The following FHIT variants were observed in gnomAD, a reference collection of about 807,000 sequenced individuals.
FHIT encodes bis(5'-adenosyl)-triphosphatase.
FHIT carries 19 observed loss-of-function variants against 17.9 expected under a neutral mutation model. That is an observed-to-expected ratio of 1.06 (90% CI 0.74 to 1.56). FHIT has a LOEUF of 1.56. Ranked by LOEUF, FHIT falls within the 40% of genes most tolerant of loss-of-function variation. The pLI is 0.00. For synonymous variants in FHIT, 81 were observed against 69.7 expected (o/e 1.16, Z -0.81); for missense variants, 248 against 189.2 (o/e 1.31, Z -1.82).
At chr3:60,172,440 T>C (rs985683293) in intron 5 of FHIT, among the ~76,000 whole-genome samples, 1 of 121,150 alleles carries the variant, frequency 8.3e-6, no homozygotes, top group African/African-American at 4.3e-5. Context: ...TAATTTTGTA[T>C]TTTTTTTTTT....
intron 5 of FHIT, among the ~76,000 whole-genome samples, chr3:60,307,208 C>A (rs995886403): frequency 6.6e-6 from 1 of 152,150 alleles, no homozygotes; most frequent in Non-Finnish European, 1.5e-5. Context: ...AGTAAAACAT[C>A]TCCTCAAAAA....
chr3:60,553,653 A>G (rs922563662), intron 4 of FHIT, among the ~76,000 whole-genome samples: 6 of 151,718 alleles, frequency 4.0e-5, no homozygotes, highest in African/African-American at 1.5e-4. Flanking sequence ...TGAGTATTAA[A>G]CATGGTATCA....
In FHIT at chr3:60,340,415, C is replaced by T. The variant is rs867147283; in HGVS notation, c.103+196445G>A. The stretch of plus-strand genomic sequence containing the variant: ...CCTCTGATCACTGTTCTTGGGAGCC[C>T]ATGGCAGACAATGGTAATCCACTGC... On this transcript the variant is annotated intron_variant, in intron 5 of 9. Coordinates refer to ENST00000492590, the MANE Select transcript of FHIT (RefSeq NM_002012.4). Among the ~76,000 whole-genome samples the T allele has an allele frequency of 1.1e-4, 17 of 152,246 alleles. No homozygotes were observed. In the South Asian group the frequency reaches 3.1e-3, roughly 28 times the overall value.
chr3:60,014,973 A>G (rs1700285718), intron 5 of FHIT, among the ~76,000 whole-genome samples: 1 of 151,326 alleles, frequency 6.6e-6, no homozygotes, highest in African/African-American at 2.5e-5. Context: ...CTGTTACACC[A>G]TCAATAACAT....
chr3:59,949,933 G>A (rs75347032), intron 7 of FHIT, among the ~76,000 whole-genome samples: 1 of 152,144 alleles, frequency 6.6e-6, no homozygotes, highest in Non-Finnish European at 1.5e-5. Flanking sequence ...TAAACAATGA[G>A]CTACCTGAGC....
At chr3:60,330,015 C>T (rs756523637) in intron 5 of FHIT, among the ~76,000 whole-genome samples, 1 of 152,186 alleles carries the variant, frequency 6.6e-6, no homozygotes, top group Non-Finnish European at 1.5e-5. Flanking sequence ...CAAATAATAA[C>T]TTATAGCCGA....
At chr3:60,786,883 G>A (rs1458094366) in intron 4 of FHIT, among the ~76,000 whole-genome samples, 1 of 150,184 alleles carries the variant, frequency 6.7e-6, no homozygotes, top group Non-Finnish European at 1.5e-5. Context: ...GTATATAAAA[G>A]AAGATAAAAC....
rs138861947 is a variant in FHIT at position 60,334,504 on chromosome 3, T to C, written c.103+202356A>G. 3.9e-5 allele frequency among the ~76,000 whole-genome samples: 6 copies of C among 152,334 alleles called. No individual in the cohort carries two copies. In the East Asian group the frequency reaches 1.2e-3, roughly 29 times the overall value. Reference sequence around the variant, plus strand: ...TGTCTCACTTTTAAAAACTGATGTATTGGCCAGCACAGTGACTCACACCTG... The same window carrying C: ...TGTCTCACTTTTAAAAACTGATGTACTGGCCAGCACAGTGACTCACACCTG... On this transcript the variant is annotated intron_variant, in intron 5 of 9. Coordinates refer to ENST00000492590, the MANE Select transcript of FHIT (RefSeq NM_002012.4).
intron 8 of FHIT, among the ~76,000 whole-genome samples, chr3:59,813,512 T>C (rs959875699): frequency 2.6e-5 from 4 of 152,174 alleles, no homozygotes; most frequent in African/African-American, 9.7e-5. Context: ...TCCAAATTCA[T>C]GGATTTTTGA....
At chr3:60,199,268 C>T (rs1702789432) in intron 5 of FHIT, among the ~76,000 whole-genome samples, 1 of 152,172 alleles carries the variant, frequency 6.6e-6, no homozygotes, top group African/African-American at 2.4e-5. Context: ...AACATATAGA[C>T]AGCTGATGTC....
rs937778922 is a variant in FHIT at position 60,251,638 on chromosome 3, G to C, written c.104-237486C>G. ...ATAAGATACACTCCATGCATGTTGT[G>C]TGTGTGTATCTAAAACCATCCTTGA... On this transcript the variant is annotated intron_variant, in intron 5 of 9. Transcript: ENST00000492590. Among the ~76,000 whole-genome samples the C allele has an allele frequency of 3.3e-5, 5 of 152,260 alleles. No individual in the cohort carries two copies. The South Asian group carries it at 1.0e-3, about 32-fold the overall frequency.
Position 60,903,826 on chromosome 3 carries a change from A to G in FHIT, c.-110-81815T>C, listed in dbSNP as rs552681765. On this transcript the variant is annotated intron_variant, in intron 3 of 9. Coordinates refer to ENST00000492590, the MANE Select transcript of FHIT (RefSeq NM_002012.4). ...GATGGCTCCAAGAATTGGACTGCCA[A>G]TGAGGAAGTCAGGTTTTTCTAGCCT... 3.3e-5 allele frequency among the ~76,000 whole-genome samples: 5 copies of G among 152,344 alleles called. No individual in the cohort carries two copies. In the South Asian group the frequency reaches 8.3e-4, roughly 25 times the overall value.
intron 5 of FHIT, among the ~76,000 whole-genome samples, chr3:60,086,095 T>C (rs1651161961): frequency 1.3e-5 from 2 of 152,056 alleles, no homozygotes; most frequent in South Asian, 4.2e-4. Context: ...AGAAGGCAAA[T>C]GGAAGCCATT....
intron 5 of FHIT, among the ~76,000 whole-genome samples, chr3:60,081,926 T>C (rs1200791646): frequency 6.6e-6 from 1 of 152,016 alleles, no homozygotes; most frequent in Admixed American, 6.6e-5. Flanking sequence ...TTTTTTGTTC[T>C]ACAAACTCGA....
chr3:59,916,480 T>C (rs1705140712), intron 8 of FHIT, among the ~76,000 whole-genome samples: 1 of 152,206 alleles, frequency 6.6e-6, no homozygotes, highest in Non-Finnish European at 1.5e-5. Flanking sequence ...CTCCTTCATA[T>C]ATACATCTAT....
chr3:60,572,584 A>G (rs2037422828), intron 4 of FHIT, among the ~76,000 whole-genome samples: 1 of 152,166 alleles, frequency 6.6e-6, no homozygotes, highest in Non-Finnish European at 1.5e-5. Flanking sequence ...TCATCCTGGT[A>G]TCCAATGTGA....
At chr3:61,070,414 T>C (rs546446796) in intron 2 of FHIT, among the ~76,000 whole-genome samples, 1 of 152,288 alleles carries the variant, frequency 6.6e-6, no homozygotes, top group South Asian at 2.1e-4. Context: ...TCCTCCAGTT[T>C]TGAGTAGGTC....
chr3:60,170,674 T>G (rs1701380110), intron 5 of FHIT, among the ~76,000 whole-genome samples: 1 of 152,130 alleles, frequency 6.6e-6, no homozygotes, highest in African/African-American at 2.4e-5. Context: ...CAAAGCAGGT[T>G]TCTCCTTTCT....
intron 5 of FHIT, among the ~76,000 whole-genome samples, chr3:60,197,682 T>C (rs1351757056): frequency 6.6e-6 from 1 of 152,198 alleles, no homozygotes; most frequent in Non-Finnish European, 1.5e-5. Flanking sequence ...TTGTTCAATG[T>C]AGTGGTAGAG....
Sources: gnomAD v4.1 joint callset for allele counts (sites outside exome capture counted in the v4.1 genomes callset) on GRCh38, gnomAD v4.1.1 for gene constraint, MANE v1.5 for transcripts, NCBI Gene and HGNC (gene_info 2026-07-23, HGNC 2026-07-21) for gene names.